The following B4GALNT4 variants were observed in gnomAD, a reference collection of about 807,000 sequenced individuals.
B4GALNT4 encodes beta-1,4-N-acetyl-galactosaminyltransferase 4, also known as N-acetyl-beta-glucosaminyl-glycoprotein 4-beta-N-acetylgalactosaminyltransferase 1.
Under a neutral mutation model 110.0 loss-of-function variants are expected in B4GALNT4, and 77 were observed. That is an observed-to-expected ratio of 0.70 (90% CI 0.58 to 0.85). B4GALNT4 has a LOEUF of 0.85. Among genes scored for constraint, B4GALNT4 ranks in the 40% least tolerant of loss-of-function variants. The probability of loss-of-function intolerance (pLI) is 0.00; values close to 1 mark genes in which losing one functional copy is unlikely to be tolerated. For synonymous variants in B4GALNT4, 785 were observed against 655.5 expected (o/e 1.20, Z -3.02); for missense variants, 1,575 against 1,506.0 (o/e 1.05, Z -0.76).
chr11:376,553 C>G lies in B4GALNT4; in HGVS notation c.1430C>G (p.Pro477Arg), dbSNP rs539165548. The part of the protein sequence containing the change: ...PAQPGATLAP[P>R]TPPRPRDGGT... Reference sequence around the variant, plus strand: ...CAGCCCGGAGCCACCCTCGCCCCGCCGACCCCTCCCCGCCCCCGGGACGGG... The same window carrying G: ...CAGCCCGGAGCCACCCTCGCCCCGCGGACCCCTCCCCGCCCCCGGGACGGG... Residue 477 changes from proline to arginine, a missense_variant, in exon 14 of 20, where the codon CCG (proline) becomes CGG (arginine). Transcript: ENST00000329962. 3 of 1,377,066 alleles carry G rather than the reference C, an allele frequency of 2.2e-6. No individual in the cohort carries two copies. The highest frequency in any genetic ancestry group is 3.8e-5 in the Admixed American group (1 of 26,664). The allele number at this position is 1,377,066 out of a possible 1,614,324, so 85.3% of individuals were successfully genotyped here.
In B4GALNT4 at chr11:380,862, C is replaced by T. The variant is rs1846862107; in HGVS notation, c.2907C>T (p.Ile969=). The part of the protein sequence containing the change: ...WEVNGFGLFG[I]YKSDFDRVGG... ...TGAACGGCTTTGGCCTTTTTGGGAT[C>T]TACAAGTCGGACTTTGACCGGGTTG... is the stretch of plus-strand genomic sequence containing the variant. The change falls in exon 19 of 20, where the codon ATC becomes ATT. Residue 969 remains isoleucine, a synonymous_variant. Coordinates refer to ENST00000329962, the MANE Select transcript of B4GALNT4 (RefSeq NM_178537.5). 1 of 1,613,820 alleles carries T rather than the reference C, an allele frequency of 6.2e-7. No homozygotes were observed. Among genetic ancestry groups the T allele is most frequent in the Non-Finnish European group, 8.5e-7 (1 of 1,179,880 alleles).
rs10624593 is a variant in B4GALNT4, at chr11:373,419, C to CGCCA, written c.637-30_637-29insGCCA. The CGCCA allele has an allele frequency of 7.6e-3, 8,236 of 1,080,024 alleles. 710 individuals carry two copies. The highest frequency in any genetic ancestry group is 0.034 in the African/African-American group (1,567 of 45,964). The allele number at this position is 1,080,024 out of a possible 1,614,324, so 66.9% of individuals were successfully genotyped here. A position where few individuals can be genotyped will look rare whatever the true frequency, so the allele number is the denominator to read the frequency against. ...CAGGGAGAGAGTGAACCCCCCCCCC[C>CGCCA]ACCACCACCCCTGCTCTATCACCCC... On this transcript the variant is annotated intron_variant, in intron 6 of 19. Transcript: ENST00000329962.
intron 14 of B4GALNT4, 123 bp downstream of exon 14, chr11:377,450 G>A: frequency 9.0e-7 from 1 of 1,108,300 alleles, no homozygotes; most frequent in Non-Finnish European, 1.2e-6. Flanking sequence ...ACCGGCCTGG[G>A]GGCTGAGGCA....
Position 379,528 on chromosome 11 carries a change from G to T in B4GALNT4, c.2315G>T (p.Arg772Leu), listed in dbSNP as rs1273343123. Reference sequence around the variant, plus strand: ...CAGGAGCGCGGGGGCGGCCGCCTGCGACTGTCCGAGTACGTCTTCCTGCGG... The same window carrying T: ...CAGGAGCGCGGGGGCGGCCGCCTGCTACTGTCCGAGTACGTCTTCCTGCGG... ...ELQERGGGRLRLSEYVFLRLP... is the reference protein window; with the variant it reads ...ELQERGGGRLLLSEYVFLRLP... Residue 772 changes from arginine (R) to leucine (L), a missense_variant, in exon 15 of 20, where the codon CGA (arginine) becomes CTA (leucine). Transcript: ENST00000329962. 3 of 1,587,284 alleles carry T rather than the reference G, an allele frequency of 1.9e-6. No homozygotes were observed. The South Asian group carries it at 3.4e-5, about 18-fold the overall frequency.
Position 376,933 on chromosome 11 carries a change from G to T in B4GALNT4, c.1810G>T (p.Ala604Ser). ...CACCCAAGGGGGCCGGGAGGGCCAG[G>T]CGCGCACGCTGGGACCTGCGGCGCC... ...QATQGGREGQ[A>S]RTLGPAAPTV... Residue 604 changes from alanine (A) to serine (S), a missense_variant, in exon 14 of 20, where the codon GCG becomes TCG. Coordinates refer to ENST00000329962, the MANE Select transcript of B4GALNT4 (RefSeq NM_178537.5). The T allele has an allele frequency of 7.0e-7, 1 of 1,425,586 alleles. No individual in the cohort carries two copies. The highest frequency in any genetic ancestry group is 9.1e-7 in the Non-Finnish European group (1 of 1,094,760). 88.3% of individuals were successfully genotyped at this position (1,425,586 alleles called of 1,614,324 possible). A position where few individuals can be genotyped will look rare whatever the true frequency, so the allele number is the denominator to read the frequency against.
At chr11:373,584 T>C (rs1291771105) in intron 7 of B4GALNT4, 68 bp downstream of exon 7, 10 of 1,562,980 alleles carry the variant, frequency 6.4e-6, no homozygotes, top group African/African-American at 1.4e-5. Context: ...CGCTGTCTCC[T>C]TATCCTGTGC....
At position 381,952 on chromosome 11, in the gene B4GALNT4, C is replaced by G. The variant is rs138201387; in HGVS notation, c.*160C>G. ...GCCCACTGGGCGTCGTGCCCCTCCC[C>G]GGAGAGGCAGCCTTCACGGCGGGTC... On this transcript the variant is annotated 3_prime_UTR_variant, in exon 20 of 20. Coordinates refer to ENST00000329962, the MANE Select transcript of B4GALNT4 (RefSeq NM_178537.5). 2.4e-6 allele frequency: 2 copies of G among 842,558 alleles called. No homozygotes were observed. The highest frequency in any genetic ancestry group is 3.3e-6 in the Non-Finnish European group (2 of 600,768). The allele number at this position is 842,558 out of a possible 1,614,324, so 52.2% of individuals were successfully genotyped here.
rs939982232 is a variant in B4GALNT4, at chr11:375,368, T to C, written c.784-93T>C. The stretch of plus-strand genomic sequence containing the variant: ...CCTGCATCCTTTAAGGGATTGGTCC[T>C]ATTAGTCCCCCGGCCCTGAGCCAGG... On this transcript the variant is annotated intron_variant, in intron 8 of 19. Coordinates refer to ENST00000329962, the MANE Select transcript of B4GALNT4 (RefSeq NM_178537.5). 13 of 1,305,536 alleles carry C rather than the reference T, an allele frequency of 1.0e-5. No homozygotes were observed. The African/African-American group carries it at 1.9e-4, about 19-fold the overall frequency. 80.9% of individuals were successfully genotyped at this position (1,305,536 alleles called of 1,614,324 possible).
intron 2 of B4GALNT4, 53 bp from the exon 3 acceptor site, chr11:372,609 G>A: frequency 1.4e-6 from 2 of 1,436,604 alleles, no homozygotes; most frequent in Non-Finnish European, 1.9e-6. Flanking sequence ...TGGTGTGTGT[G>A]ACCTCCTCCC....
In B4GALNT4 at chr11:372,259, C is replaced by T. The variant is rs551219016; in HGVS notation, c.255+47C>T. ...ACACGTGTGCACGGAGACGAGACCC[C>T]GAAGCCACTTGTGTGTTGGTGTCTT... On this transcript the variant is annotated intron_variant, in intron 2 of 19. Coordinates refer to ENST00000329962, the MANE Select transcript of B4GALNT4 (RefSeq NM_178537.5). 46 of 1,512,740 alleles carry T rather than the reference C, an allele frequency of 3.0e-5. 2 individuals are homozygous for T. In the South Asian group the frequency reaches 3.2e-4, roughly 11 times the overall value. 93.7% of individuals were successfully genotyped at this position (1,512,740 alleles called of 1,614,324 possible). A position where few individuals can be genotyped will look rare whatever the true frequency, so the allele number is the denominator to read the frequency against.
In B4GALNT4 at chr11:377,293, C is replaced by T; in HGVS notation, c.2170C>T (p.Gln724Ter). 6.3e-7 allele frequency: 1 copy of T among 1,587,130 alleles called. No homozygotes were observed. The highest frequency in any genetic ancestry group is 8.6e-7 in the Non-Finnish European group (1 of 1,169,238). The change falls in exon 14 of 20, where the codon CAG becomes TAG. Residue 724 changes from glutamine (Q) to a stop codon, truncating the protein, a stop_gained. Coordinates refer to ENST00000329962, the MANE Select transcript of B4GALNT4 (RefSeq NM_178537.5). LOFTEE classifies it high-confidence loss of function. The stretch of plus-strand genomic sequence containing the variant: ...GGCGGAGGCCGTGGACGTGACCGCT[C>T]AGTACATGGAGCGGCTGAACGCGCG... ...PEAEAVDVTA[Q>*]YMERLNARHG...
intron 1 of B4GALNT4, among the ~76,000 whole-genome samples, chr11:371,561 A>C (rs1846619041): frequency 6.6e-6 from 1 of 152,248 alleles, no homozygotes; most frequent in Non-Finnish European, 1.5e-5. Flanking sequence ...CCTCTGCTCC[A>C]GGGCCATGCC....
chr11:373,456 C>T lies in B4GALNT4; in HGVS notation c.644C>T (p.Ser215Phe), dbSNP rs763289582. The T allele has an allele frequency of 6.2e-7, 1 of 1,610,078 alleles. No individual in the cohort carries two copies. Among genetic ancestry groups the T allele is most frequent in the East Asian group, 2.2e-5 (1 of 44,702 alleles). ...TGCTCTATCACCCCCCAGACTGGCT[C>T]CGAGTGGACAGCGCCTGGAGAATTC... ...QLVAFVGKTG[S>F]EWTAPGEFTK... Residue 215 changes from serine to phenylalanine, a missense_variant, in exon 7 of 20, where the codon TCC becomes TTC. Ser to Phe is a radical substitution (Grantham distance 155, BLOSUM62 -2). Coordinates refer to ENST00000329962, the MANE Select transcript of B4GALNT4 (RefSeq NM_178537.5).
intron 19 of B4GALNT4, 115 bp downstream of exon 19, chr11:381,066 C>T (rs1187673335): frequency 1.3e-6 from 2 of 1,486,068 alleles, no homozygotes; most frequent in Non-Finnish European, 8.9e-7. Context: ...AGAACTCTGC[C>T]CTTCCCGGTC....
chr11:381,018 A>G (rs1015588349), intron 19 of B4GALNT4, 67 bp downstream of exon 19: 2 of 1,556,788 alleles, frequency 1.3e-6, no homozygotes, highest in African/African-American at 1.4e-5. Context: ...TGAATGGGGA[A>G]GGGGGATTTA....
chr11:377,284 G>T lies in B4GALNT4; in HGVS notation c.2161G>T (p.Val721Leu). The T allele has an allele frequency of 6.3e-7, 1 of 1,590,062 alleles. No homozygotes were observed. Among genetic ancestry groups the T allele is most frequent in the Non-Finnish European group, 8.5e-7 (1 of 1,170,184 alleles). The change falls in exon 14 of 20, where the codon GTG becomes TTG. Residue 721 changes from valine (V) to leucine (L), a missense_variant. By Grantham distance (32) the Val-to-Leu change is conservative. Coordinates refer to ENST00000329962, the MANE Select transcript of B4GALNT4 (RefSeq NM_178537.5). ...GCTGCCGGAGGCGGAGGCCGTGGAC[G>T]TGACCGCTCAGTACATGGAGCGGCT... ...LQLPEAEAVDVTAQYMERLNA... is the reference protein window; with the variant it reads ...LQLPEAEAVDLTAQYMERLNA...
rs760082065 is a variant in B4GALNT4, at chr11:377,316, G to A, written c.2193G>A (p.Ala731=). Residue 731 remains alanine (A), a synonymous_variant, in exon 14 of 20, where the codon GCG becomes GCA. Coordinates refer to ENST00000329962, the MANE Select transcript of B4GALNT4 (RefSeq NM_178537.5). ...VTAQYMERLN[A]RHGGRFALLR... ...CTCAGTACATGGAGCGGCTGAACGCGCGCCACGGCGGGTATGGGGGCGGCC... is the reference window on the plus strand; with the variant it reads ...CTCAGTACATGGAGCGGCTGAACGCACGCCACGGCGGGTATGGGGGCGGCC... The A allele has an allele frequency of 5.2e-6, 8 of 1,542,742 alleles. No homozygotes were observed. Among genetic ancestry groups the A allele is most frequent in the South Asian group, 1.2e-5 (1 of 82,754 alleles).
rs1199345159 is a variant in B4GALNT4 at position 377,116 on chromosome 11, G to C, written c.1993G>C (p.Glu665Gln). Residue 665 changes from glutamate (E) to glutamine (Q), a missense_variant, in exon 14 of 20, where the codon GAG becomes CAG. Glu to Gln is a conservative substitution (Grantham distance 29, BLOSUM62 2). Coordinates refer to ENST00000329962, the MANE Select transcript of B4GALNT4 (RefSeq NM_178537.5). ...CGACGAGGCCGCGTCGGAGGACAGC[G>C]AGGAGGCCGCGGGCCCGGCGCTCGG... ...PGDEAASEDSEEAAGPALGRW... is the reference protein window; with the variant it reads ...PGDEAASEDSQEAAGPALGRW... The C allele has an allele frequency of 1.3e-6, 2 of 1,491,820 alleles. No individual in the cohort carries two copies. Among genetic ancestry groups the C allele is most frequent in the African/African-American group, 1.4e-5 (1 of 69,130 alleles). 92.4% of individuals were successfully genotyped at this position (1,491,820 alleles called of 1,614,324 possible).
In B4GALNT4 at chr11:380,818, G is replaced by A. The variant is rs369444949; in HGVS notation, c.2870-7G>A. On this transcript the variant is annotated splice_polypyrimidine_tract_variant and splice_region_variant and intron_variant, in intron 18 of 19. Coordinates refer to ENST00000329962, the MANE Select transcript of B4GALNT4 (RefSeq NM_178537.5). ...GAAGGGTAGCACCCCTCACCCTCCC[G>A]CCCCAGGTTACTGGGAGGTGAACGG... is the stretch of plus-strand genomic sequence containing the variant. The A allele has an allele frequency of 9.3e-6, 15 of 1,613,296 alleles. No individual in the cohort carries two copies. Among genetic ancestry groups the A allele is most frequent in the Middle Eastern group, 1.6e-4 (1 of 6,082 alleles).
Sources: gnomAD v4.1 joint callset for allele counts (sites outside exome capture counted in the v4.1 genomes callset) on GRCh38, gnomAD v4.1.1 for gene constraint, MANE v1.5 for transcripts, NCBI Gene and HGNC (gene_info 2026-07-23, HGNC 2026-07-21) for gene names.